Variants in NR3C2 observed in about 807,000 individuals in gnomAD.
NR3C2 encodes the protein mineralocorticoid receptor.
In NR3C2, 15 loss-of-function variants were observed where a neutral mutation model predicts 86.4. The ratio of observed to expected loss-of-function variants is 0.17; its 90% CI spans 0.12 to 0.27. The LOEUF is 0.27. Ranked by LOEUF, NR3C2 falls within the 10% of genes least tolerant of loss-of-function variation. The pLI, the probability that NR3C2 is intolerant of heterozygous loss-of-function variation, is 1.00. For synonymous variants in NR3C2, 458 were observed against 450.5 expected (o/e 1.02, Z -0.21); for missense variants, 960 against 1,195.6 (o/e 0.80, Z 2.91).
intron 6 of NR3C2, among the ~76,000 whole-genome samples, chr4:148,143,396 G>T (rs2149755608): frequency 6.6e-6 from 1 of 152,304 alleles, no homozygotes; most frequent in Admixed American, 6.5e-5. Flanking sequence ...AGCACTGCAG[G>T]CAGGACTGTT....
At chr4:148,381,947 A>G (rs1188234108) in intron 2 of NR3C2, among the ~76,000 whole-genome samples, 1 of 152,070 alleles carries the variant, frequency 6.6e-6, no homozygotes, top group Non-Finnish European at 1.5e-5. Context: ...TTCCCACACC[A>G]CTGTCATTTA....
intron 3 of NR3C2, among the ~76,000 whole-genome samples, chr4:148,229,549 A>G (rs146724580): frequency 1.3e-5 from 2 of 152,192 alleles, no homozygotes; most frequent in East Asian, 3.9e-4. Context: ...TAAACAAATG[A>G]TATGTGGGCT....
chr4:148,400,948 T>C (rs889622231), intron 2 of NR3C2, among the ~76,000 whole-genome samples: 1 of 152,218 alleles, frequency 6.6e-6, no homozygotes. Flanking sequence ...AATTATATTG[T>C]ATACATTTAA....
chr4:148,320,670 G>A (rs1231554638), intron 2 of NR3C2, among the ~76,000 whole-genome samples: 40 of 152,048 alleles, frequency 2.6e-4, no homozygotes, highest in African/African-American at 9.2e-4. Flanking sequence ...GCATAGAGGT[G>A]TTTGTAGTAT....
At chr4:148,409,616 C>A (rs1368008021) in intron 2 of NR3C2, among the ~76,000 whole-genome samples, 1 of 152,152 alleles carries the variant, frequency 6.6e-6, no homozygotes, top group African/African-American at 2.4e-5. Flanking sequence ...AAAAAATTAT[C>A]TCCAATTATT....
intron 8 of NR3C2, among the ~76,000 whole-genome samples, chr4:148,097,299 G>T (rs1450998913): frequency 2.0e-5 from 3 of 152,134 alleles, no homozygotes; most frequent in Admixed American, 6.5e-5. Context: ...TTTCCTGGGG[G>T]TTACATATAT....
At position 148,359,520 on chromosome 4, in the gene NR3C2, CAAAT is replaced by C. The variant is rs1745735229; in HGVS notation, c.1757+75580_1757+75583del. On this transcript the variant is annotated intron_variant, in intron 2 of 8. Coordinates refer to ENST00000358102, the MANE Select transcript of NR3C2 (RefSeq NM_000901.5). ...TATATCTACGAAACTAAGGGATAAA[CAAAT>C]GAATATCAATAAATTTTATATGTGC... Among the ~76,000 whole-genome samples, 4 of 152,096 alleles carry C rather than the reference CAAAT, an allele frequency of 2.6e-5. No individual in the cohort carries two copies. In the South Asian group the frequency reaches 8.3e-4, roughly 32 times the overall value.
intron 2 of NR3C2, among the ~76,000 whole-genome samples, chr4:148,367,962 C>T (rs1398561652): frequency 1.3e-5 from 2 of 152,034 alleles, no homozygotes; most frequent in Admixed American, 6.6e-5. Flanking sequence ...CTTTCACATC[C>T]GCCCTCCTGC....
Position 148,260,117 on chromosome 4 carries a change from G to C in NR3C2, c.1758C>G (p.Ser586Arg). 1 of 1,613,970 alleles carries C rather than the reference G, an allele frequency of 6.2e-7. No individual in the cohort carries two copies. Among genetic ancestry groups the C allele is most frequent in the Non-Finnish European group, 8.5e-7 (1 of 1,179,942 alleles). ...CAGTAGAAACACTTCGTAAAGTAGA[G>C]CTGGGGAAAGAAATTGAGATTTAAA... ...VLEYIPENVSSSTLRSVSTGS... is the reference protein window; with the variant it reads ...VLEYIPENVSRSTLRSVSTGS... Residue 586 changes from serine to arginine, a missense_variant and splice_region_variant, in exon 3 of 9, where the codon AGC becomes AGG. Coordinates refer to ENST00000358102, the MANE Select transcript of NR3C2 (RefSeq NM_000901.5).
At chr4:148,113,841 A>T (rs1040121726) in intron 8 of NR3C2, among the ~76,000 whole-genome samples, 1 of 152,114 alleles carries the variant, frequency 6.6e-6, no homozygotes, top group East Asian at 1.9e-4. Context: ...AATGCTATAT[A>T]ACCTGAATGC....
chr4:148,229,870 A>G (rs1281435987), intron 3 of NR3C2, among the ~76,000 whole-genome samples: 1 of 152,000 alleles, frequency 6.6e-6, no homozygotes, highest in Non-Finnish European at 1.5e-5. Context: ...TCCCTAAAGA[A>G]CTCTAGGTCT....
rs576301412 is a variant in NR3C2, at chr4:148,187,882, G to C, written c.2014+6864C>G. On this transcript the variant is annotated intron_variant, in intron 4 of 8. Transcript: ENST00000358102. ...TAGGTTTAAGTCCTTAATCCATCTT[G>C]AGTTGATTTTTGTATAAGGTGAGGG... Among the ~76,000 whole-genome samples the C allele has an allele frequency of 1.2e-3, 182 of 152,278 alleles. 1 individual carries two copies. Among genetic ancestry groups the C allele is most frequent in the Non-Finnish European group, 1.9e-3 (127 of 68,026 alleles).
chr4:148,323,821 T>C (rs1384032977), intron 2 of NR3C2, among the ~76,000 whole-genome samples: 9 of 152,156 alleles, frequency 5.9e-5, no homozygotes, highest in Admixed American at 3.9e-4. Context: ...CAGATGGAAA[T>C]GCAGAAATCA....
chr4:148,266,696 T>C (rs1740412610), intron 2 of NR3C2, among the ~76,000 whole-genome samples: 1 of 152,196 alleles, frequency 6.6e-6, no homozygotes, highest in African/African-American at 2.4e-5. Flanking sequence ...CTTATTAACA[T>C]TTTAAAATCT....
At chr4:148,416,446 C>T (rs1749004455) in intron 2 of NR3C2, among the ~76,000 whole-genome samples, 2 of 152,216 alleles carry the variant, frequency 1.3e-5, no homozygotes, top group Non-Finnish European at 2.9e-5. Flanking sequence ...CAGATGAGAA[C>T]ACTGAGGCAC....
chr4:148,204,794 C>T (rs1036945575), intron 3 of NR3C2, among the ~76,000 whole-genome samples: 1 of 152,130 alleles, frequency 6.6e-6, no homozygotes, highest in African/African-American at 2.4e-5. Flanking sequence ...TTGGTCGCAC[C>T]TATAATTCTA....
At chr4:148,350,865 CCTT>C (rs1307185689) in intron 2 of NR3C2, among the ~76,000 whole-genome samples, 12 of 152,200 alleles carry the variant, frequency 7.9e-5, no homozygotes, top group Admixed American at 5.9e-4. Flanking sequence ...CATAAAATAT[CCTT>C]CTATTATTCT....
intron 2 of NR3C2, among the ~76,000 whole-genome samples, chr4:148,331,197 A>C (rs1252148506): frequency 1.3e-5 from 2 of 152,190 alleles, no homozygotes; most frequent in South Asian, 2.1e-4. Flanking sequence ...AAGGAAAAAA[A>C]ATATGTCATT....
At chr4:148,126,778 C>A (rs1732767101) in intron 6 of NR3C2, among the ~76,000 whole-genome samples, 1 of 152,340 alleles carries the variant, frequency 6.6e-6, no homozygotes, top group Middle Eastern at 3.4e-3. Context: ...CCATAGCTAT[C>A]ATTTATGGAT....
Sources: gnomAD v4.1 joint callset for allele counts (sites outside exome capture counted in the v4.1 genomes callset) on GRCh38, gnomAD v4.1.1 for gene constraint, MANE v1.5 for transcripts, NCBI Gene and HGNC (gene_info 2026-07-23, HGNC 2026-07-21) for gene names.